The following MAPK14 variants were observed in gnomAD, a reference collection of about 807,000 sequenced individuals.
MAPK14 encodes the protein CSAID-binding protein.
Under a neutral mutation model 49.6 loss-of-function variants are expected in MAPK14, and 16 were observed. The observed-to-expected ratio is 0.32, with a 90% CI of 0.22 to 0.49. MAPK14 has a LOEUF of 0.49. Among genes scored for constraint, MAPK14 ranks in the 20% least tolerant of loss-of-function variants. MAPK14 has a pLI of 0.99. For synonymous variants in MAPK14, 142 were observed against 158.0 expected (o/e 0.90, Z 0.76); for missense variants, 200 against 441.2 (o/e 0.45, Z 4.90).
chr6:36,105,767 A>G (rs1765780209), intron 10 of MAPK14, among the ~76,000 whole-genome samples: 1 of 152,204 alleles, frequency 6.6e-6, no homozygotes, highest in African/African-American at 2.4e-5. Context: ...AGATCTCTAT[A>G]GGAAGCTGTC....
chr6:36,087,208 G>T (rs1765020354), intron 8 of MAPK14, among the ~76,000 whole-genome samples: 2 of 152,002 alleles, frequency 1.3e-5, no homozygotes, highest in Non-Finnish European at 2.9e-5. Context: ...AAAGCTGGAA[G>T]TATTCCCCTT....
intron 9 of MAPK14, among the ~76,000 whole-genome samples, chr6:36,102,029 C>A (rs930839014): frequency 4.7e-4 from 72 of 152,290 alleles, no homozygotes; most frequent in African/African-American, 1.6e-3. Context: ...TTTGTTATCT[C>A]TAATCTTCAC....
rs111234964 is a variant in MAPK14, at chr6:36,028,791, CTTTTTT to C, written c.116+534_116+539del. ...ACCAGGAAGGGAGCTCTCTCCGGGC[CTTTTTT>C]TTTTTTTTTTTTTTTCAAAACTCTG... On this transcript the variant is annotated intron_variant, in intron 1 of 11. Transcript: ENST00000229794. The surrounding 1 kb of genome is among the most constrained non-coding windows in gnomAD (Gnocchi z 5.1). Among the ~76,000 whole-genome samples the C allele has an allele frequency of 6.0e-5, 6 of 100,388 alleles. No individual in the cohort carries two copies. Among genetic ancestry groups the C allele is most frequent in the Middle Eastern group, 5.9e-3 (1 of 170 alleles). 65.9% of individuals were successfully genotyped at this position (100,388 alleles called of 152,430 possible). A position where few individuals can be genotyped will look rare whatever the true frequency, so the allele number is the denominator to read the frequency against.
intron 9 of MAPK14, chr6:36,096,894 A>G (rs1007116549): frequency 1.4e-4 from 22 of 152,256 alleles, no homozygotes; most frequent in African/African-American, 5.1e-4. Flanking sequence ...GAGAGAAGCC[A>G]TGAAAGCCCA....
At chr6:36,075,784 TG>T (rs1764507685) in intron 6 of MAPK14, 63 bp from the exon 7 acceptor site, 13 of 1,605,894 alleles carry the variant, frequency 8.1e-6, no homozygotes, top group African/African-American at 2.7e-5. Flanking sequence ...GTTGTTGTTT[TG>T]TTTTTTTTTC....
At chr6:36,066,047 T>A (rs554426900) in intron 3 of MAPK14, among the ~76,000 whole-genome samples, 18 of 152,294 alleles carry the variant, frequency 1.2e-4, no homozygotes, top group African/African-American at 4.1e-4. Context: ...AACATGTGGG[T>A]GAGCAGTTCT....
chr6:36,095,409 G>T (rs1301380658), intron 8 of MAPK14, among the ~76,000 whole-genome samples: 1 of 152,256 alleles, frequency 6.6e-6, no homozygotes, highest in African/African-American at 2.4e-5. Context: ...GAGAGGCGAG[G>T]CTTCCCTTTC....
At chr6:36,064,417 C>G (rs972386906) in intron 3 of MAPK14, among the ~76,000 whole-genome samples, 1 of 152,138 alleles carries the variant, frequency 6.6e-6, no homozygotes, top group Admixed American at 6.6e-5. Context: ...TCTTCTGATA[C>G]TTTTTCCTTT....
rs1372099475 is a variant in MAPK14 at position 36,028,361 on chromosome 6, C to G, written c.116+88C>G. 4.3e-6 allele frequency: 4 copies of G among 921,616 alleles called. No homozygotes were observed. In the East Asian group the frequency reaches 7.9e-5, roughly 18 times the overall value. 57.1% of individuals were successfully genotyped at this position (921,616 alleles called of 1,614,324 possible). ...CCTGCTCCACTGCTCAGCGTTGCGTCAAGTGGCAGGAATTTTCCTCGGGGG... is the reference window on the plus strand; with the variant it reads ...CCTGCTCCACTGCTCAGCGTTGCGTGAAGTGGCAGGAATTTTCCTCGGGGG... On this transcript the variant is annotated intron_variant, in intron 1 of 11. Coordinates refer to ENST00000229794, the MANE Select transcript of MAPK14 (RefSeq NM_139012.3). The surrounding 1 kb of genome is among the most constrained non-coding windows in gnomAD (Gnocchi z 5.1).
intron 9 of MAPK14, among the ~76,000 whole-genome samples, chr6:36,098,577 C>T (rs1015934232): frequency 2.6e-5 from 4 of 152,046 alleles, no homozygotes; most frequent in African/African-American, 4.8e-5. Flanking sequence ...GATAAAAAAG[C>T]GAAGACCTGA....
At chr6:36,044,606 G>A (rs1055697642) in intron 1 of MAPK14, among the ~76,000 whole-genome samples, 1 of 152,186 alleles carries the variant, frequency 6.6e-6, no homozygotes, top group African/African-American at 2.4e-5. Context: ...CGAACATGGT[G>A]GCTCATGCCT....
intron 8 of MAPK14, among the ~76,000 whole-genome samples, chr6:36,090,925 A>G (rs983097504): frequency 6.6e-6 from 1 of 152,140 alleles, no homozygotes; most frequent in African/African-American, 2.4e-5. Flanking sequence ...CCCTTAAGAA[A>G]TTTTCTTTGT....
At chr6:36,093,814 T>C (rs1016595120) in intron 8 of MAPK14, among the ~76,000 whole-genome samples, 1 of 152,044 alleles carries the variant, frequency 6.6e-6, no homozygotes, top group African/African-American at 2.4e-5. Context: ...AAAAGCTTCA[T>C]TTTAGAGATT....
intron 8 of MAPK14, chr6:36,092,362 C>G (rs1765268720): frequency 1.5e-6 from 1 of 656,318 alleles, no homozygotes; most frequent in South Asian, 1.4e-5. Context: ...TATGAGTTCC[C>G]TGCAGGGAAC....
intron 3 of MAPK14, among the ~76,000 whole-genome samples, chr6:36,060,398 G>A (rs1763768745): frequency 6.6e-6 from 1 of 152,062 alleles, no homozygotes; most frequent in South Asian, 2.1e-4. Flanking sequence ...AGCTCTCCCT[G>A]CCCCCAGTTC....
chr6:36,120,688 C>T, the MAPK14 span, among the ~76,000 whole-genome samples: 1 of 152,202 alleles, frequency 6.6e-6, no homozygotes, highest in Non-Finnish European at 1.5e-5. Context: ...GGCAGCATTG[C>T]CAAATGGTTC....
chr6:36,113,018 C>G (rs866144425), downstream of MAPK14, among the ~76,000 whole-genome samples: 1 of 152,140 alleles, frequency 6.6e-6, no homozygotes, highest in South Asian at 2.1e-4. Flanking sequence ...TTTCACTTCT[C>G]TATATAATTT....
At chr6:36,043,446 G>T (rs1763045016) in intron 1 of MAPK14, among the ~76,000 whole-genome samples, 1 of 152,108 alleles carries the variant, frequency 6.6e-6, no homozygotes, top group African/African-American at 2.4e-5. Flanking sequence ...TTTTCAAGAC[G>T]TTATTTCCAA....
chr6:36,071,335 GAA>G, intron 3 of MAPK14, among the ~76,000 whole-genome samples: 1 of 134,986 alleles, frequency 7.4e-6, no homozygotes, highest in Middle Eastern at 3.9e-3. Context: ...TCTGTCTCAA[GAA>G]AAAAAAAAAA....
Sources: allele counts gnomAD v4.1 joint callset (sites outside exome capture counted in the v4.1 genomes callset), GRCh38; gene constraint gnomAD v4.1.1; non-coding constraint Gnocchi (gnomAD v3.1); transcripts MANE v1.5; gene names NCBI Gene and HGNC (gene_info 2026-07-23, HGNC 2026-07-21).